The following MRPS35 variants were observed in gnomAD, a reference collection of about 807,000 sequenced individuals.
The protein encoded by MRPS35 is mitochondrial ribosomal protein S35.
In MRPS35, 29 loss-of-function variants were observed where a neutral mutation model predicts 32.7. The ratio of observed to expected loss-of-function variants is 0.89; its 90% CI spans 0.66 to 1.21. MRPS35 has a LOEUF of 1.21. Ranked by LOEUF, MRPS35 falls within the 50% of genes most tolerant of loss-of-function variation. The pLI is 0.00. For synonymous variants in MRPS35, 148 were observed against 139.3 expected (o/e 1.06, Z -0.44); for missense variants, 373 against 383.8 (o/e 0.97, Z 0.23).
At chr12:27,728,154 T>G (rs2061907777) in intron 5 of MRPS35, among the ~76,000 whole-genome samples, 1 of 152,114 alleles carries the variant, frequency 6.6e-6, no homozygotes, top group African/African-American at 2.4e-5. Context: ...TCCGTTTGCA[T>G]GTTGATCCAA....
Position 27,716,387 on chromosome 12 carries a change from C to A in MRPS35, c.250C>A (p.Pro84Thr). ...APFKPSAVPL[P>T]VRMGYPVKKG... is the part of the protein sequence containing the mutation. ...ATTTAAACCCTCTGCAGTACCTCTT[C>A]CTGTTCGAATGGGTTATCCAGTAAA... Residue 84 changes from proline to threonine, a missense_variant, in exon 3 of 8, where the codon CCT becomes ACT. Transcript: ENST00000081029. The A allele has an allele frequency of 6.2e-7, 1 of 1,614,140 alleles. No homozygotes were observed. The highest frequency in any genetic ancestry group is 1.7e-5 in the Admixed American group (1 of 60,016).
intron 3 of MRPS35, among the ~76,000 whole-genome samples, chr12:27,717,173 C>A (rs2061854553): frequency 6.6e-6 from 1 of 152,132 alleles, no homozygotes; most frequent in Non-Finnish European, 1.5e-5. Context: ...TGAGCCACCA[C>A]ACCCAGCCTA....
At chr12:27,738,751 G>A (rs2061952058) in intron 7 of MRPS35, among the ~76,000 whole-genome samples, 1 of 152,088 alleles carries the variant, frequency 6.6e-6, no homozygotes, top group African/African-American at 2.4e-5. Flanking sequence ...TCATATGTCA[G>A]TGTCTACAGA....
At chr12:27,733,036 A>C (rs1168308087) in intron 5 of MRPS35, among the ~76,000 whole-genome samples, 10 of 61,756 alleles carry the variant, frequency 1.6e-4, no homozygotes, top group Non-Finnish European at 2.0e-4. Flanking sequence ...ATATATATAT[A>C]TATATCCAGC....
intron 7 of MRPS35, among the ~76,000 whole-genome samples, chr12:27,751,111 A>AAG (rs1434118007): frequency 6.7e-6 from 1 of 150,248 alleles, no homozygotes; most frequent in Non-Finnish European, 1.5e-5. Flanking sequence ...TCAAAAAAAA[A>AAG]AAAAAAAAAA....
At chr12:27,752,111 G>T (rs1357519688) in intron 7 of MRPS35, among the ~76,000 whole-genome samples, 1 of 152,076 alleles carries the variant, frequency 6.6e-6, no homozygotes, top group Admixed American at 6.6e-5. Flanking sequence ...AGCTGGGCAT[G>T]ATAGCGTGCA....
intron 3 of MRPS35, among the ~76,000 whole-genome samples, chr12:27,716,727 C>T (rs2061852659): frequency 6.6e-6 from 1 of 152,210 alleles, no homozygotes; most frequent in Non-Finnish European, 1.5e-5. Context: ...GTGGCTCACG[C>T]CTGTAATCCT....
At chr12:27,714,216 TCTTA>T (rs1163640373) in intron 1 of MRPS35, among the ~76,000 whole-genome samples, 1 of 152,174 alleles carries the variant, frequency 6.6e-6, no homozygotes, top group African/African-American at 2.4e-5. Flanking sequence ...TAAAAAGTTG[TCTTA>T]CTTGACAGAC....
chr12:27,724,276 T>C (rs1045511185), intron 5 of MRPS35, 90 bp downstream of exon 5: 2 of 1,225,330 alleles, frequency 1.6e-6, no homozygotes, highest in Non-Finnish European at 2.1e-6. Flanking sequence ...CAGTGGCTCA[T>C]GCCTGTAATC....
At chr12:27,732,937 CA>C (rs2061927185) in intron 5 of MRPS35, among the ~76,000 whole-genome samples, 1 of 127,564 alleles carries the variant, frequency 7.8e-6, no homozygotes, top group African/African-American at 2.9e-5. Context: ...CAAGTTTAGA[CA>C]TTTCCGAATT....
At chr12:27,726,007 G>GC (rs527345084) in intron 5 of MRPS35, among the ~76,000 whole-genome samples, 2,933 of 151,086 alleles carry the variant, frequency 0.019, 58 homozygotes, top group South Asian at 0.072. Flanking sequence ...ACAGGGTTTT[G>GC]CCATGATGCC....
At position 27,735,404 on chromosome 12, in the gene MRPS35, TTA is replaced by T. The variant is rs752736624; in HGVS notation, c.523-39_523-38del. ...TTGCTACCTTTTTTTCACTAAACAA[TTA>T]TATGAAATTATTTTTTCAAATAACT... On this transcript the variant is annotated intron_variant, in intron 5 of 7. Transcript: ENST00000081029. 3.3e-5 allele frequency: 47 copies of T among 1,415,634 alleles called. No homozygotes were observed. The South Asian group carries it at 5.4e-4, about 16-fold the overall frequency. The allele number at this position is 1,415,634 out of a possible 1,614,324, so 87.7% of individuals were successfully genotyped here. A position where few individuals can be genotyped will look rare whatever the true frequency, so the allele number is the denominator to read the frequency against.
chr12:27,722,645 T>C (rs573292257), intron 4 of MRPS35, among the ~76,000 whole-genome samples: 2 of 152,296 alleles, frequency 1.3e-5, no homozygotes, highest in Admixed American at 1.3e-4. Flanking sequence ...AGTAAGTTCA[T>C]GATGGGAATG....
At chr12:27,716,653 T>C (rs1430458760) in intron 3 of MRPS35, among the ~76,000 whole-genome samples, 195 bp downstream of exon 3, 1 of 152,196 alleles carries the variant, frequency 6.6e-6, no homozygotes, top group Non-Finnish European at 1.5e-5. Flanking sequence ...ATTTTGATTA[T>C]CAATGGTAAA....
At chr12:27,734,221 G>C (rs1429344144) in intron 5 of MRPS35, among the ~76,000 whole-genome samples, 1 of 150,044 alleles carries the variant, frequency 6.7e-6, no homozygotes, top group East Asian at 1.9e-4. Flanking sequence ...CTGTATTCTG[G>C]TGTGTAACCT....
chr12:27,735,880 A>G (rs2061941363), intron 6 of MRPS35, among the ~76,000 whole-genome samples: 2 of 152,238 alleles, frequency 1.3e-5, no homozygotes, highest in African/African-American at 4.8e-5. Context: ...GCTTTTACAC[A>G]TTCAAAGCAT....
chr12:27,724,570 C>T (rs1427036013), intron 5 of MRPS35, among the ~76,000 whole-genome samples: 1 of 152,028 alleles, frequency 6.6e-6, no homozygotes, highest in African/African-American at 2.4e-5. Flanking sequence ...TGGTGAAACC[C>T]CGTCTCTACT....
At chr12:27,749,055 A>C (rs1469060491) in intron 7 of MRPS35, among the ~76,000 whole-genome samples, 2 of 152,202 alleles carry the variant, frequency 1.3e-5, no homozygotes, top group Non-Finnish European at 2.9e-5. Context: ...TAATCATAGC[A>C]GGGTTTTAAA....
At chr12:27,715,015 T>G (rs573123248) in intron 2 of MRPS35, among the ~76,000 whole-genome samples, 195 bp downstream of exon 2, 2 of 152,216 alleles carry the variant, frequency 1.3e-5, no homozygotes, top group African/African-American at 4.8e-5. Flanking sequence ...CTTTGAGAGG[T>G]TGACTTACTG....
Sources: allele counts gnomAD v4.1 joint callset (sites outside exome capture counted in the v4.1 genomes callset), GRCh38; gene constraint gnomAD v4.1.1; transcripts MANE v1.5; gene names NCBI Gene and HGNC (gene_info 2026-07-23, HGNC 2026-07-21).